The following CHN1 variants were observed in gnomAD, a reference collection of about 807,000 sequenced individuals.
The protein encoded by CHN1 is chimerin 1, also known as N-chimaerin.
A neutral mutation model predicts 59.5 loss-of-function variants in CHN1; 37 were observed. The ratio of observed to expected loss-of-function variants is 0.62; its 90% CI spans 0.48 to 0.82. CHN1 has a LOEUF of 0.82. Ranked by LOEUF, CHN1 falls within the 40% of genes least tolerant of loss-of-function variation. The probability of loss-of-function intolerance (pLI) is 0.00; values close to 1 mark genes in which losing one functional copy is unlikely to be tolerated. For synonymous variants in CHN1, 206 were observed against 200.4 expected, an observed-to-expected ratio of 1.03 and a Z score of -0.24; for missense variants, 469 against 571.0, an observed-to-expected ratio of 0.82 and a Z score of 1.82.
intron 5 of CHN1, among the ~76,000 whole-genome samples, chr2:174,887,868 C>G (rs554475370): frequency 3.9e-5 from 6 of 152,242 alleles, no homozygotes; most frequent in African/African-American, 1.2e-4. Context: ...TTATTCAATG[C>G]AATTCTACTA....
intron 1 of CHN1, among the ~76,000 whole-genome samples, chr2:174,967,386 A>G (rs201398741): frequency 6.6e-6 from 1 of 152,154 alleles, no homozygotes; most frequent in African/African-American, 2.4e-5. Flanking sequence ...TTAAAATGCA[A>G]TATGTTTATG....
chr2:174,807,106 G>A (rs913791128), intron 11 of CHN1, among the ~76,000 whole-genome samples: 6 of 152,120 alleles, frequency 3.9e-5, no homozygotes, highest in African/African-American at 7.2e-5. Context: ...ACTCCATAAC[G>A]ATGACAAATG....
rs569083672 is a variant in CHN1 at position 174,838,407 on chromosome 2, A to G, written c.627+8473T>C. Among the ~76,000 whole-genome samples the G allele has an allele frequency of 2.0e-4, 31 of 152,242 alleles. No homozygotes were observed. In the Middle Eastern group the frequency reaches 0.01, roughly 50 times the overall value. ...TGCGCCCAGCCAAACCTCACTCTTA[A>G]TAAGACTTTGTCCTATAGGGAATGT... is the stretch of plus-strand genomic sequence containing the variant. On this transcript the variant is annotated intron_variant, in intron 7 of 12. Coordinates refer to ENST00000409900, the MANE Select transcript of CHN1 (RefSeq NM_001822.7).
chr2:174,975,392 C>T (rs1346624459), intron 1 of CHN1, among the ~76,000 whole-genome samples: 2 of 151,906 alleles, frequency 1.3e-5, no homozygotes, highest in African/African-American at 2.4e-5. Context: ...AGTACTTTGT[C>T]CTATTTGTTC....
At chr2:174,876,651 G>T (rs1687573508) in intron 6 of CHN1, among the ~76,000 whole-genome samples, 1 of 152,232 alleles carries the variant, frequency 6.6e-6, no homozygotes, top group Non-Finnish European at 1.5e-5. Context: ...GCCAATGTAA[G>T]ATCTGCCAAA....
intron 2 of CHN1, among the ~76,000 whole-genome samples, chr2:174,948,490 A>T (rs1689915174): frequency 6.6e-6 from 1 of 152,220 alleles, no homozygotes; most frequent in South Asian, 2.1e-4. Context: ...ACTTCTTGCT[A>T]ATTTTACTTC....
intron 6 of CHN1, among the ~76,000 whole-genome samples, chr2:174,870,352 A>G (rs916498110): frequency 6.6e-6 from 1 of 152,174 alleles, no homozygotes; most frequent in African/African-American, 2.4e-5. Flanking sequence ...GAGGCCCCCA[A>G]AGAGTTAGGG....
chr2:174,887,766 G>C (rs1574129384), intron 5 of CHN1, among the ~76,000 whole-genome samples: 1 of 152,184 alleles, frequency 6.6e-6, no homozygotes, highest in South Asian at 2.1e-4. Flanking sequence ...CCTAAGACAA[G>C]AGTCGTAAAC....
chr2:174,997,995 A>C (rs1279009974), intron 1 of CHN1, among the ~76,000 whole-genome samples: 2 of 132,270 alleles, frequency 1.5e-5, no homozygotes, highest in African/African-American at 5.6e-5. Context: ...TCGGGGGCGC[A>C]AAAAAAAAAA....
chr2:174,993,700 G>A (rs185899669), intron 1 of CHN1, among the ~76,000 whole-genome samples: 2 of 151,750 alleles, frequency 1.3e-5, no homozygotes, highest in East Asian at 3.9e-4. Context: ...ACAACCCAAA[G>A]GAGAGGAAGA....
chr2:174,870,546 T>C (rs1687375929), intron 6 of CHN1, among the ~76,000 whole-genome samples: 1 of 151,728 alleles, frequency 6.6e-6, no homozygotes, highest in African/African-American at 2.4e-5. Context: ...AGATCCAGAG[T>C]ATGTGGTCTA....
chr2:174,992,642 G>C (rs1222218815), intron 1 of CHN1, among the ~76,000 whole-genome samples: 1 of 152,204 alleles, frequency 6.6e-6, no homozygotes, highest in Non-Finnish European at 1.5e-5. Context: ...CTTGTGACAA[G>C]ATGCTCTCCT....
intron 8 of CHN1, among the ~76,000 whole-genome samples, chr2:174,817,596 G>A (rs1194584464): frequency 4.6e-5 from 7 of 150,982 alleles, no homozygotes; most frequent in Non-Finnish European, 1.0e-4. Flanking sequence ...CAAGTAGCTG[G>A]GACTACAGAC....
At chr2:174,869,334 A>C (rs1687328443) in intron 6 of CHN1, among the ~76,000 whole-genome samples, 1 of 152,214 alleles carries the variant, frequency 6.6e-6, no homozygotes, top group African/African-American at 2.4e-5. Context: ...TTACATTCCA[A>C]AATTGGAGTT....
chr2:174,953,611 G>A (rs1690095140), intron 1 of CHN1, among the ~76,000 whole-genome samples: 1 of 152,100 alleles, frequency 6.6e-6, no homozygotes, highest in African/African-American at 2.4e-5. Flanking sequence ...CAGTAGCTCT[G>A]CTATACACCA....
intron 11 of CHN1, 120 bp downstream of exon 11, chr2:174,808,785 C>G: frequency 9.5e-7 from 1 of 1,047,944 alleles, no homozygotes; most frequent in Non-Finnish European, 1.5e-6. Context: ...GTACATTAAC[C>G]ATAGAGAGAG....
intron 6 of CHN1, among the ~76,000 whole-genome samples, chr2:174,848,612 C>T (rs893198973): frequency 6.6e-5 from 10 of 152,132 alleles, no homozygotes; most frequent in African/African-American, 2.4e-4. Flanking sequence ...TCATAATCTA[C>T]AGGAGGTATG....
chr2:174,925,194 A>G (rs1689134964), intron 3 of CHN1, among the ~76,000 whole-genome samples: 2 of 152,212 alleles, frequency 1.3e-5, no homozygotes, highest in Admixed American at 1.3e-4. Flanking sequence ...CATGATGGGA[A>G]GAGAGGTTGG....
At chr2:174,838,778 G>A (rs891513061) in intron 7 of CHN1, among the ~76,000 whole-genome samples, 50 of 152,052 alleles carry the variant, frequency 3.3e-4, no homozygotes, top group African/African-American at 1.2e-3. Flanking sequence ...ACTTTGGGAG[G>A]CTGAGGTGGG....
Sources: allele counts gnomAD v4.1 joint callset (sites outside exome capture counted in the v4.1 genomes callset), GRCh38; gene constraint gnomAD v4.1.1; transcripts MANE v1.5; gene names NCBI Gene and HGNC (gene_info 2026-07-23, HGNC 2026-07-21).